PDE7B: variants seen among roughly 807,000 people sequenced by gnomAD.
PDE7B encodes the protein 3',5'-cyclic-AMP phosphodiesterase 7B.
In PDE7B, 29 loss-of-function variants were observed where a neutral mutation model predicts 56.2. The observed-to-expected ratio is 0.52, with a 90% confidence interval of 0.38 to 0.70. The LOEUF is 0.70. Among genes scored for constraint, PDE7B ranks in the 30% least tolerant of loss-of-function variants. The pLI is 0.00. For missense variants in PDE7B, 490 were observed against 565.0 expected, an observed-to-expected ratio of 0.87 and a Z score of 1.35; for synonymous variants, 197 against 196.9, an observed-to-expected ratio of 1.00 and a Z score of 0.00.
intron 2 of PDE7B, among the ~76,000 whole-genome samples, chr6:136,027,862 T>C (rs1271625218): frequency 6.6e-6 from 1 of 152,168 alleles, no homozygotes; most frequent in African/African-American, 2.4e-5. Flanking sequence ...CCTCAGGTGA[T>C]CCAGCTGCCT....
intron 4 of PDE7B, 121 bp from the exon 5 acceptor site, chr6:136,148,966 A>C: frequency 1.5e-6 from 1 of 683,202 alleles, no homozygotes; most frequent in South Asian, 1.8e-5. Flanking sequence ...ATTCATTTGC[A>C]CTAGATGGTA....
At chr6:136,109,861 T>C (rs770471711) in intron 3 of PDE7B, among the ~76,000 whole-genome samples, 1 of 152,192 alleles carries the variant, frequency 6.6e-6, no homozygotes, top group Non-Finnish European at 1.5e-5. Flanking sequence ...TCCAAGGTTT[T>C]CAGTGTTTGG....
At chr6:135,982,516 AAGGGGC>A (rs375417618) in intron 2 of PDE7B, among the ~76,000 whole-genome samples, 8 of 152,248 alleles carry the variant, frequency 5.3e-5, no homozygotes, top group South Asian at 2.1e-4. Flanking sequence ...ACTGCTAAGG[AAGGGGC>A]AGTCTATGTA....
intron 11 of PDE7B, among the ~76,000 whole-genome samples, chr6:136,184,547 G>A (rs895417787): frequency 6.6e-6 from 1 of 152,174 alleles, no homozygotes; most frequent in Admixed American, 6.5e-5. Flanking sequence ...CATCATTGCA[G>A]CAAATCCCAT....
chr6:136,120,530 C>T (rs1423725771), intron 3 of PDE7B, among the ~76,000 whole-genome samples: 4 of 152,088 alleles, frequency 2.6e-5, no homozygotes, highest in African/African-American at 4.8e-5. Flanking sequence ...AAGGAGGCAA[C>T]TCTCCTAACA....
chr6:135,871,809 C>T (rs1180076421), intron 1 of PDE7B, among the ~76,000 whole-genome samples: 2 of 152,024 alleles, frequency 1.3e-5, no homozygotes, highest in Non-Finnish European at 2.9e-5. Context: ...ATAATATACA[C>T]ATTCATGTGT....
intron 2 of PDE7B, chr6:136,038,467 G>T: frequency 7.8e-7 from 1 of 1,290,038 alleles, no homozygotes; most frequent in Non-Finnish European, 1.0e-6. Flanking sequence ...CCAAAAGTGA[G>T]CTGCAGGCGA....
intron 1 of PDE7B, among the ~76,000 whole-genome samples, chr6:135,855,685 G>T (rs1044013131): frequency 6.6e-6 from 1 of 152,136 alleles, no homozygotes; most frequent in Non-Finnish European, 1.5e-5. Context: ...GTACATTGGC[G>T]TCCTCTTCAT....
intron 1 of PDE7B, among the ~76,000 whole-genome samples, chr6:135,881,556 C>A (rs1372454919): frequency 6.6e-6 from 1 of 152,036 alleles, no homozygotes; most frequent in Non-Finnish European, 1.5e-5. Flanking sequence ...TGCTAATAGG[C>A]AGGTCCCGCA....
At position 135,863,979 on chromosome 6, in the gene PDE7B, C is replaced by T. The variant is rs150437545; in HGVS notation, c.21+11960C>T. 3.5e-3 allele frequency among the ~76,000 whole-genome samples: 531 copies of T among 151,994 alleles called. 12 individuals are homozygous for T. The highest frequency in any genetic ancestry group is 1.7e-3 in the East Asian group (9 of 5,178). On this transcript the variant is annotated intron_variant, in intron 1 of 12. Coordinates refer to ENST00000308191, the MANE Select transcript of PDE7B (RefSeq NM_018945.4). ...TTCAAACATGCTGACTTACTATGTA[C>T]AATTTATTTATTCTTCTTGTTCTAT... is the stretch of plus-strand genomic sequence containing the variant.
intron 10 of PDE7B, among the ~76,000 whole-genome samples, chr6:136,180,077 G>C (rs1190241880): frequency 2.6e-5 from 4 of 152,130 alleles, no homozygotes; most frequent in Non-Finnish European, 5.9e-5. Flanking sequence ...GACTCATCTA[G>C]ATAGATGAGA....
intron 3 of PDE7B, among the ~76,000 whole-genome samples, chr6:136,135,816 C>T (rs1778203454): frequency 6.6e-6 from 1 of 151,998 alleles, no homozygotes; most frequent in African/African-American, 2.4e-5. Flanking sequence ...GCTAAAAGCA[C>T]GTGAAAGTGA....
intron 3 of PDE7B, chr6:136,112,584 A>G (rs117711208): frequency 2.0e-5 from 3 of 151,844 alleles, no homozygotes; most frequent in Non-Finnish European, 4.4e-5. Flanking sequence ...CCACAAGCAC[A>G]TTCAGTCCAG....
rs1554266499 is a variant in PDE7B, at chr6:135,916,392, C to CTTTCT, written c.22-31069_22-31068insCTTTT. Among the ~76,000 whole-genome samples, 8 of 96,352 alleles carry CTTTCT rather than the reference C, an allele frequency of 8.3e-5. No homozygotes were observed. The East Asian group carries it at 2.3e-3, about 28-fold the overall frequency. 63.2% of individuals were successfully genotyped at this position (96,352 alleles called of 152,430 possible). ...TTTTTTCTTTTCTTTTCTTTTCTTT[C>CTTTCT]TTTTTTTTTTTTTTTTTTGAGATGG... On this transcript the variant is annotated intron_variant, in intron 1 of 12. Coordinates refer to ENST00000308191, the MANE Select transcript of PDE7B (RefSeq NM_018945.4).
chr6:135,926,996 C>T (rs2128196363), intron 1 of PDE7B, among the ~76,000 whole-genome samples: 1 of 152,190 alleles, frequency 6.6e-6, no homozygotes, highest in Non-Finnish European at 1.5e-5. Context: ...GTTATAGCAC[C>T]ATAATTCTAA....
intron 2 of PDE7B, among the ~76,000 whole-genome samples, chr6:136,041,535 T>A (rs1292408005): frequency 6.6e-6 from 1 of 152,146 alleles, no homozygotes; most frequent in Non-Finnish European, 1.5e-5. Flanking sequence ...AGCAATAGAC[T>A]GTAGGAGGGA....
At chr6:135,905,049 CATT>C (rs1437518842) in intron 1 of PDE7B, among the ~76,000 whole-genome samples, 1 of 152,204 alleles carries the variant, frequency 6.6e-6, no homozygotes, top group Non-Finnish European at 1.5e-5. Context: ...ATCTTGAAAT[CATT>C]AATAACTTCT....
At position 136,164,576 on chromosome 6, in the gene PDE7B, T is replaced by C. The variant is rs191963061; in HGVS notation, c.711+8818T>C. Among the ~76,000 whole-genome samples, 647 of 152,282 alleles carry C rather than the reference T, an allele frequency of 4.2e-3. 2 individuals carry two copies. Among genetic ancestry groups the C allele is most frequent in the Admixed American group, 6.7e-3 (103 of 15,284 alleles). On this transcript the variant is annotated intron_variant, in intron 8 of 12. Coordinates refer to ENST00000308191, the MANE Select transcript of PDE7B (RefSeq NM_018945.4). The stretch of plus-strand genomic sequence containing the variant: ...ATTCTTTCCAAATTTGCAATAAACA[T>C]GTGTTTTGACCAATGAGTTTCTGGT...
chr6:136,106,164 C>A (rs991607359), intron 2 of PDE7B, among the ~76,000 whole-genome samples: 11 of 152,184 alleles, frequency 7.2e-5, no homozygotes, highest in Non-Finnish European at 1.6e-4. Flanking sequence ...ACAAGCCCAG[C>A]CAGCTTTGTA....
Sources: gnomAD v4.1 joint callset for allele counts (sites outside exome capture counted in the v4.1 genomes callset) on GRCh38, gnomAD v4.1.1 for gene constraint, MANE v1.5 for transcripts, NCBI Gene and HGNC (gene_info 2026-07-23, HGNC 2026-07-21) for gene names.